Variants in TBX20 observed in about 807,000 individuals in gnomAD.
TBX20 encodes T-box transcription factor TBX20.
A neutral mutation model predicts 42.9 loss-of-function variants in TBX20; 8 were observed. That is an observed-to-expected ratio of 0.19 (90% confidence interval 0.11 to 0.34). The LOEUF is 0.34. TBX20 is among the 10% of genes least tolerant of loss of function. The pLI is 1.00. For missense variants in TBX20, 411 were observed against 566.0 expected (o/e 0.73, Z 2.78); for synonymous variants, 198 against 222.8 (o/e 0.89, Z 0.99).
At chr7:35,220,461 A>T (rs898083106) in intron 6 of TBX20, among the ~76,000 whole-genome samples, 7 of 152,234 alleles carry the variant, frequency 4.6e-5, no homozygotes, top group African/African-American at 1.7e-4. Flanking sequence ...CTAGCTGCTG[A>T]GACAGAGAGG....
chr7:35,214,099 G>A (rs1789543281), intron 6 of TBX20, among the ~76,000 whole-genome samples: 1 of 152,086 alleles, frequency 6.6e-6, no homozygotes, highest in South Asian at 2.1e-4. Context: ...CCCTAAAATA[G>A]TGTCTGGCAC....
chr7:35,211,132 T>C (rs1789490071), intron 6 of TBX20, among the ~76,000 whole-genome samples: 1 of 152,144 alleles, frequency 6.6e-6, no homozygotes, highest in South Asian at 2.1e-4. Context: ...TCTTTCAAGT[T>C]AGTATAAGCC....
chr7:35,214,490 T>C (rs1789548321), intron 6 of TBX20, among the ~76,000 whole-genome samples: 1 of 152,164 alleles, frequency 6.6e-6, no homozygotes. Flanking sequence ...CTGGTGAATA[T>C]ATTCAAAGCA....
intron 7 of TBX20, among the ~76,000 whole-genome samples, chr7:35,203,671 G>T (rs1789345342): frequency 6.6e-6 from 1 of 152,240 alleles, no homozygotes; most frequent in South Asian, 2.1e-4. Context: ...GTTTTAGGAA[G>T]TGAAAAGTTA....
intron 4 of TBX20, among the ~76,000 whole-genome samples, chr7:35,242,232 C>G (rs1367633427): frequency 6.6e-6 from 1 of 152,202 alleles, no homozygotes; most frequent in African/African-American, 2.4e-5. Flanking sequence ...ATCGCTCGCT[C>G]TCTGTGCTGA....
chr7:35,247,145 T>C (rs2128715691), intron 3 of TBX20, among the ~76,000 whole-genome samples: 1 of 136,448 alleles, frequency 7.3e-6, no homozygotes. Flanking sequence ...GATTAACTTC[T>C]TAGAGGAAAG....
At chr7:35,206,642 A>T (rs1408378687) in intron 6 of TBX20, among the ~76,000 whole-genome samples, 1 of 152,216 alleles carries the variant, frequency 6.6e-6, no homozygotes, top group Non-Finnish European at 1.5e-5. Flanking sequence ...TAACAAAAAT[A>T]TCTAACACCT....
intron 6 of TBX20, among the ~76,000 whole-genome samples, chr7:35,226,510 G>A (rs1312039938): frequency 6.6e-6 from 1 of 151,906 alleles, no homozygotes; most frequent in Admixed American, 6.6e-5. Flanking sequence ...CGATCATGTC[G>A]GACAAAGATG....
intron 6 of TBX20, among the ~76,000 whole-genome samples, chr7:35,207,633 T>G (rs1359021551): frequency 6.6e-6 from 1 of 152,368 alleles, no homozygotes; most frequent in Admixed American, 6.5e-5. Flanking sequence ...TGTTTGTGTC[T>G]ATGATTCATC....
chr7:35,251,742 A>C (rs1351764481), intron 1 of TBX20, among the ~76,000 whole-genome samples: 4 of 152,182 alleles, frequency 2.6e-5, no homozygotes, highest in Non-Finnish European at 5.9e-5. Context: ...CAATCCTGGG[A>C]CACACTGGAA....
chr7:35,206,598 G>A lies in TBX20; in HGVS notation c.891-2016C>T, dbSNP rs147179608. Among the ~76,000 whole-genome samples the A allele has an allele frequency of 4.5e-4, 69 of 152,260 alleles. No homozygotes were observed. The East Asian group carries it at 0.012, about 26-fold the overall frequency. ...TATAGTTTGATCAGTTTGGGCATAT[G>A]TACGCACCACTGACACCACTGCCAC... On this transcript the variant is annotated intron_variant, in intron 6 of 7. Transcript: ENST00000408931.
chr7:35,204,919 A>T (rs1335401529), intron 6 of TBX20, among the ~76,000 whole-genome samples: 1 of 152,208 alleles, frequency 6.6e-6, no homozygotes, highest in East Asian at 1.9e-4. Flanking sequence ...TAATGAGTGA[A>T]TGAATTTACT....
intron 6 of TBX20, among the ~76,000 whole-genome samples, chr7:35,228,940 A>G (rs946995359): frequency 5.3e-5 from 8 of 152,216 alleles, no homozygotes; most frequent in Admixed American, 1.3e-4. Context: ...AAAGTGAGAC[A>G]TTCAAGTACC....
intron 6 of TBX20, among the ~76,000 whole-genome samples, chr7:35,224,855 C>T (rs1399378616): frequency 1.3e-5 from 2 of 151,782 alleles, no homozygotes; most frequent in Admixed American, 6.6e-5. Flanking sequence ...AAAGTTATTG[C>T]TTTGGTATAA....
intron 6 of TBX20, among the ~76,000 whole-genome samples, chr7:35,216,268 G>T (rs1584343696): frequency 6.6e-6 from 1 of 152,286 alleles, no homozygotes; most frequent in East Asian, 1.9e-4. Context: ...CTGAGAAGGT[G>T]TTGCTCAATA....
intron 6 of TBX20, among the ~76,000 whole-genome samples, chr7:35,215,755 T>C (rs375694336): frequency 6.6e-6 from 1 of 152,252 alleles, no homozygotes; most frequent in East Asian, 1.9e-4. Flanking sequence ...ATTTCAGAAA[T>C]GGTACACACG....
At chr7:35,225,960 A>G (rs1160813673) in intron 6 of TBX20, among the ~76,000 whole-genome samples, 1 of 152,236 alleles carries the variant, frequency 6.6e-6, no homozygotes, top group Non-Finnish European at 1.5e-5. Context: ...GACTGTAAGA[A>G]CTAGTATGCA....
Position 35,245,063 on chromosome 7 carries a change from A to T in TBX20, c.546-6T>A. On this transcript the variant is annotated splice_region_variant and splice_polypyrimidine_tract_variant and intron_variant, in intron 3 of 7. Coordinates refer to ENST00000408931, the MANE Select transcript of TBX20 (RefSeq NM_001077653.2). ...AATCTGGATGCACATAGAGCCTAAG[A>T]AAATTAGGAGAAAACTTTATTGAGA... The T allele has an allele frequency of 6.3e-7, 1 of 1,599,320 alleles. No homozygotes were observed. Among genetic ancestry groups the T allele is most frequent in the Non-Finnish European group, 8.6e-7 (1 of 1,167,316 alleles).
At chr7:35,234,019 G>T (rs1034628287) in intron 5 of TBX20, among the ~76,000 whole-genome samples, 3 of 152,186 alleles carry the variant, frequency 2.0e-5, no homozygotes, top group Non-Finnish European at 2.9e-5. Flanking sequence ...GTGAGGTGGA[G>T]CAATAAAGGT....
Sources: allele counts gnomAD v4.1 joint callset (sites outside exome capture counted in the v4.1 genomes callset), GRCh38; gene constraint gnomAD v4.1.1; transcripts MANE v1.5; gene names NCBI Gene and HGNC (gene_info 2026-07-23, HGNC 2026-07-21).